The following WARS2 variants were observed in gnomAD, a reference collection of about 807,000 sequenced individuals.
WARS2 encodes tryptophanyl tRNA synthetase 2, mitochondrial.
Under a neutral mutation model 36.5 loss-of-function variants are expected in WARS2, and 28 were observed. The observed-to-expected ratio is 0.77, with a 90% CI of 0.57 to 1.05. The LOEUF is 1.05. Ranked by LOEUF, WARS2 falls within the 50% of genes least tolerant of loss-of-function variation. The pLI is 0.00. For missense variants in WARS2, 435 were observed against 456.8 expected (o/e 0.95, Z 0.44); for synonymous variants, 174 against 178.4 (o/e 0.98, Z 0.20).
At position 119,088,011 on chromosome 1, in the gene WARS2, CAGA is replaced by C. The variant is rs747297082; in HGVS notation, c.91-11407_91-11405del. On this transcript the variant is annotated intron_variant, in intron 1 of 5. Transcript: ENST00000235521. ...GGAATTCTAAGAGCGGGGCTTATCC[CAGA>C]AGAAGAAATGAGAAAATTTATGCGG... Among the ~76,000 whole-genome samples the C allele has an allele frequency of 1.1e-4, 17 of 152,236 alleles. No homozygotes were observed. The South Asian group carries it at 3.1e-3, about 28-fold the overall frequency.
intron 2 of WARS2, among the ~76,000 whole-genome samples, chr1:119,074,988 C>A (rs1163607584): frequency 1.3e-5 from 2 of 151,980 alleles, no homozygotes; most frequent in South Asian, 2.1e-4. Context: ...CTAGAGACTC[C>A]AAAAGCCAGG....
At chr1:119,060,873 A>G (rs1650316502) in intron 2 of WARS2, among the ~76,000 whole-genome samples, 1 of 152,194 alleles carries the variant, frequency 6.6e-6, no homozygotes, top group African/African-American at 2.4e-5. Context: ...TGAAATTTCT[A>G]AATAAAGAGT....
At chr1:119,109,358 A>G (rs1194077302) in intron 1 of WARS2, among the ~76,000 whole-genome samples, 5 of 151,788 alleles carry the variant, frequency 3.3e-5, no homozygotes, top group African/African-American at 4.8e-5. Context: ...TGCCTCGTGT[A>G]TTTTTACACT....
intron 1 of WARS2, among the ~76,000 whole-genome samples, chr1:119,108,949 T>C (rs587680452): frequency 6.6e-6 from 1 of 152,116 alleles, no homozygotes; most frequent in Non-Finnish European, 1.5e-5. Flanking sequence ...ATTTTAGAAT[T>C]TCTCCTGAGA....
intron 2 of WARS2, among the ~76,000 whole-genome samples, chr1:119,066,477 CAA>C (rs34709639): frequency 3.2e-4 from 15 of 46,482 alleles, no homozygotes; most frequent in East Asian, 9.7e-4. Context: ...GGCTCTGTCT[CAA>C]AAAAAAAAAA....
At chr1:119,093,154 T>C (rs188858694) in intron 1 of WARS2, among the ~76,000 whole-genome samples, 199 of 152,268 alleles carry the variant, frequency 1.3e-3, no homozygotes, top group African/African-American at 4.7e-3. Context: ...TCAACATTAA[T>C]TAAGCAAGTG....
chr1:119,104,166 C>A (rs1035035995), intron 1 of WARS2, among the ~76,000 whole-genome samples: 13 of 151,162 alleles, frequency 8.6e-5, no homozygotes, highest in Non-Finnish European at 1.8e-4. Flanking sequence ...TATTACTCTG[C>A]TTTTATTTCC....
chr1:119,134,479 A>G (rs1200371618), intron 1 of WARS2, among the ~76,000 whole-genome samples: 1 of 152,182 alleles, frequency 6.6e-6, no homozygotes, highest in African/African-American at 2.4e-5. Flanking sequence ...GCTACAGATG[A>G]ATTTTGGTTA....
intron 1 of WARS2, among the ~76,000 whole-genome samples, chr1:119,119,705 A>G (rs1452880691): frequency 6.6e-6 from 1 of 152,158 alleles, no homozygotes; most frequent in Non-Finnish European, 1.5e-5. Flanking sequence ...AATTATATCA[A>G]GTACTCTCTC....
chr1:119,085,957 C>T (rs1266573407), intron 1 of WARS2: 6 of 1,609,908 alleles, frequency 3.7e-6, no homozygotes, highest in Admixed American at 1.7e-5. Flanking sequence ...GGGTTCATCT[C>T]CACGGGCCCA....
intron 1 of WARS2, among the ~76,000 whole-genome samples, chr1:119,129,454 A>C (rs927655922): frequency 2.6e-5 from 4 of 152,194 alleles, no homozygotes; most frequent in Non-Finnish European, 5.9e-5. Flanking sequence ...CACACCTGTA[A>C]TCTCAACACT....
chr1:119,053,414 T>G lies in WARS2; in HGVS notation c.349-7752A>C, dbSNP rs777769385. ...CTTACAATAAATAAAAATGAATAAC[T>G]GGGAACAATAATAATCTACCACTAG... On this transcript the variant is annotated intron_variant, in intron 2 of 5. Transcript: ENST00000235521. 1.1e-4 allele frequency among the ~76,000 whole-genome samples: 16 copies of G among 152,200 alleles called. No individual in the cohort carries two copies. The South Asian group carries it at 1.5e-3, about 14-fold the overall frequency.
intron 1 of WARS2, chr1:119,084,913 T>C (rs906939406): frequency 4.2e-5 from 14 of 332,868 alleles, no homozygotes; most frequent in Admixed American, 2.1e-4. Flanking sequence ...GAGTTTTAGA[T>C]ACAAAAATAG....
chr1:119,135,715 CAGATAGATAGATAGAT>C (rs113027169), intron 1 of WARS2, among the ~76,000 whole-genome samples: 73 of 147,078 alleles, frequency 5.0e-4, no homozygotes, highest in Middle Eastern at 3.4e-3. Context: ...ATTAGATAGA[CAGATAGATAGATAGAT>C]AGATAGATAG....
chr1:119,103,508 A>G (rs1330773479), intron 1 of WARS2, among the ~76,000 whole-genome samples: 1 of 152,088 alleles, frequency 6.6e-6, no homozygotes, highest in Non-Finnish European at 1.5e-5. Context: ...CTGACCCAAT[A>G]TCTCCTTTAG....
intron 1 of WARS2, among the ~76,000 whole-genome samples, chr1:119,087,488 AT>A (rs1374386493): frequency 6.6e-6 from 1 of 152,260 alleles, no homozygotes; most frequent in African/African-American, 2.4e-5. Flanking sequence ...GAAGCAGACC[AT>A]CAAAGTCTCT....
chr1:119,035,082 G>A (rs530244166), intron 4 of WARS2, among the ~76,000 whole-genome samples: 1 of 152,300 alleles, frequency 6.6e-6, no homozygotes, highest in African/African-American at 2.4e-5. Flanking sequence ...TCAGAATATA[G>A]GGAATGACTT....
intron 1 of WARS2, among the ~76,000 whole-genome samples, chr1:119,093,830 T>G (rs1653232628): frequency 6.6e-6 from 1 of 152,224 alleles, no homozygotes; most frequent in Non-Finnish European, 1.5e-5. Flanking sequence ...GTAAGTAAGG[T>G]CAGTTGTTCA....
At chr1:119,120,482 GAATTAGTACC>G (rs1403793554) in intron 1 of WARS2, among the ~76,000 whole-genome samples, 10 of 152,082 alleles carry the variant, frequency 6.6e-5, no homozygotes, top group Middle Eastern at 3.4e-3. Flanking sequence ...ATTCAAAGAA[GAATTAGTACC>G]AATCCTACTG....
Sources: allele counts gnomAD v4.1 joint callset (sites outside exome capture counted in the v4.1 genomes callset), GRCh38; gene constraint gnomAD v4.1.1; transcripts MANE v1.5; gene names NCBI Gene and HGNC (gene_info 2026-07-23, HGNC 2026-07-21).